MVB12B: variants seen among roughly 807,000 people sequenced by gnomAD.
MVB12B encodes the protein multivesicular body subunit 12B.
MVB12B carries 16 observed loss-of-function variants against 41.6 expected under a neutral mutation model. The ratio of observed to expected loss-of-function variants is 0.38; its 90% confidence interval spans 0.26 to 0.58. The LOEUF is 0.58. MVB12B is among the 20% of genes least tolerant of loss of function. The pLI is 0.62. For synonymous variants in MVB12B, 133 were observed against 139.7 expected, an observed-to-expected ratio of 0.95 and a Z score of 0.34; for missense variants, 274 against 380.2, an observed-to-expected ratio of 0.72 and a Z score of 2.32.
chr9:126,492,056 T>C lies in MVB12B; in HGVS notation c.873+8024T>C, dbSNP rs563426976. Among the ~76,000 whole-genome samples, 10 of 151,300 alleles carry C rather than the reference T, an allele frequency of 6.6e-5. No individual in the cohort carries two copies. The South Asian group carries it at 1.3e-3, about 19-fold the overall frequency. ...CCAAGGTTGTCCATGTTTATAAAAA[T>C]GCAAACATTACAGGAACATGTAAAA... On this transcript the variant is annotated intron_variant, in intron 9 of 9. Transcript: ENST00000361171.
At chr9:126,368,750 T>A (rs1342791820) in intron 2 of MVB12B, among the ~76,000 whole-genome samples, 1 of 152,234 alleles carries the variant, frequency 6.6e-6, no homozygotes, top group African/African-American at 2.4e-5. Context: ...GAAGAATATC[T>A]TTTATCTAAA....
rs186486997 is a variant in MVB12B at position 126,473,138 on chromosome 9, A to C, written c.758-8231A>C. Among the ~76,000 whole-genome samples, 1 of 151,988 alleles carries C rather than the reference A, an allele frequency of 6.6e-6. No homozygotes were observed. Among genetic ancestry groups the C allele is most frequent in the Non-Finnish European group, 1.5e-5 (1 of 67,990 alleles). The stretch of plus-strand genomic sequence containing the variant: ...TATTTCATTTTTCTTCACCCTCACC[A>C]CAGCCCGCAGAGGCAGCTGTAGTAT... On this transcript the variant is annotated intron_variant, in intron 7 of 9. Transcript: ENST00000361171. This position sits in a 1 kb window ranked among gnomAD's most constrained non-coding sequence, Gnocchi z 4.0.
intron 2 of MVB12B, among the ~76,000 whole-genome samples, chr9:126,349,846 T>C (rs1352653596): frequency 2.6e-5 from 4 of 152,232 alleles, no homozygotes; most frequent in Non-Finnish European, 4.4e-5. Flanking sequence ...TGTGGCTGTG[T>C]TTTTATTCCT....
chr9:126,407,685 G>T (rs1831486211), intron 6 of MVB12B, among the ~76,000 whole-genome samples: 1 of 152,072 alleles, frequency 6.6e-6, no homozygotes, highest in African/African-American at 2.4e-5. Context: ...CGAGGGGGGC[G>T]ACAGGGAATG....
In MVB12B at chr9:126,473,954, C is replaced by A. The variant is rs1564344115; in HGVS notation, c.758-7415C>A. On this transcript the variant is annotated intron_variant, in intron 7 of 9. Coordinates refer to ENST00000361171, the MANE Select transcript of MVB12B (RefSeq NM_033446.3). The surrounding 1 kb of genome is among the most constrained non-coding windows in gnomAD (Gnocchi z 4.0). ...ACTGGGCTTGGGGAGAACTTCTTTA[C>A]CTCCCAGGTTTGTTGGGGGTGGGGG... 6.6e-6 allele frequency among the ~76,000 whole-genome samples: 1 copy of A among 152,196 alleles called. No homozygotes were observed. The highest frequency in any genetic ancestry group is 2.4e-5 in the African/African-American group (1 of 41,448).
chr9:126,341,609 T>TA (rs2118826480), intron 2 of MVB12B, among the ~76,000 whole-genome samples: 1 of 152,336 alleles, frequency 6.6e-6, no homozygotes, highest in Admixed American at 6.5e-5. Context: ...GAAGAAGCCC[T>TA]AAGGCAGGGT....
chr9:126,371,312 T>C (rs1355708297), intron 2 of MVB12B, among the ~76,000 whole-genome samples: 1 of 152,252 alleles, frequency 6.6e-6, no homozygotes, highest in Non-Finnish European at 1.5e-5. Flanking sequence ...TCCTTCCTGA[T>C]GACTTGGAAC....
intron 1 of MVB12B, among the ~76,000 whole-genome samples, chr9:126,337,855 G>T (rs972520609): frequency 1.3e-5 from 2 of 152,256 alleles, no homozygotes; most frequent in Non-Finnish European, 2.9e-5. Flanking sequence ...GCCTCCTCGA[G>T]TCCTTAGCCG....
intron 2 of MVB12B, among the ~76,000 whole-genome samples, chr9:126,363,562 C>T (rs975720136): frequency 6.6e-6 from 1 of 152,210 alleles, no homozygotes; most frequent in Non-Finnish European, 1.5e-5. Flanking sequence ...TGGAAACTTT[C>T]CAAAAGATGA....
intron 9 of MVB12B, among the ~76,000 whole-genome samples, chr9:126,488,299 A>AG (rs1564349135): frequency 6.8e-6 from 1 of 146,172 alleles, no homozygotes; most frequent in Non-Finnish European, 1.5e-5. Context: ...TCTGCTCAGA[A>AG]TTTGCTTTGC....
chr9:126,328,132 A>G (rs1004827169), intron 1 of MVB12B, among the ~76,000 whole-genome samples: 8 of 152,188 alleles, frequency 5.3e-5, no homozygotes, highest in Admixed American at 5.2e-4. Context: ...TCAATGTGCT[A>G]GGATGTTTAG....
intron 7 of MVB12B, among the ~76,000 whole-genome samples, chr9:126,432,852 A>G (rs915260953): frequency 1.3e-5 from 2 of 152,180 alleles, no homozygotes; most frequent in African/African-American, 4.8e-5. Flanking sequence ...AAGGTTGGAA[A>G]TGGCACACAG....
chr9:126,415,215 C>T (rs4836540), intron 6 of MVB12B, among the ~76,000 whole-genome samples: 152,193 of 152,202 alleles, frequency 1, 76,092 homozygotes, highest in Non-Finnish European at 1. Flanking sequence ...CTTAGACAAT[C>T]CAACCTGTTT....
At chr9:126,387,109 G>T (rs1209744335) in intron 4 of MVB12B, among the ~76,000 whole-genome samples, 2 of 152,096 alleles carry the variant, frequency 1.3e-5, no homozygotes, top group Non-Finnish European at 2.9e-5. Flanking sequence ...CAAAAAGACT[G>T]CAAATTAAAG....
At chr9:126,490,614 C>T (rs1218318207) in intron 9 of MVB12B, among the ~76,000 whole-genome samples, 1 of 152,202 alleles carries the variant, frequency 6.6e-6, no homozygotes, top group African/African-American at 2.4e-5. Context: ...CATTTTCATT[C>T]GACTTTAAAG....
Position 126,392,001 on chromosome 9 carries a change from T to C in MVB12B, c.410-65T>C. ...GAATAGGGCGTGACAGGGGATGTGG[T>C]TTTCAGAATAGAGATTCTGGTATCT... is the stretch of plus-strand genomic sequence containing the variant. On this transcript the variant is annotated intron_variant, in intron 4 of 9. Transcript: ENST00000361171. This position sits in a 1 kb window ranked among gnomAD's most constrained non-coding sequence, Gnocchi z 4.8. 6.3e-7 allele frequency: 1 copy of C among 1,587,956 alleles called. No individual in the cohort carries two copies. The highest frequency in any genetic ancestry group is 2.2e-5 in the East Asian group (1 of 44,642).
At position 126,459,502 on chromosome 9, in the gene MVB12B, C is replaced by G. The variant is rs932039616; in HGVS notation, c.758-21867C>G. 6.6e-6 allele frequency among the ~76,000 whole-genome samples: 1 copy of G among 152,206 alleles called. No individual in the cohort carries two copies. Among genetic ancestry groups the G allele is most frequent in the African/African-American group, 2.4e-5 (1 of 41,436 alleles). On this transcript the variant is annotated intron_variant, in intron 7 of 9. Coordinates refer to ENST00000361171, the MANE Select transcript of MVB12B (RefSeq NM_033446.3). The surrounding 1 kb of genome is among the most constrained non-coding windows in gnomAD (Gnocchi z 4.3). ...TCACAGAACTGTGCCTGTGAGACCACGAGACCCTCACCCCAGCAGCACGCG... is the reference window on the plus strand; with the variant it reads ...TCACAGAACTGTGCCTGTGAGACCAGGAGACCCTCACCCCAGCAGCACGCG...
At chr9:126,463,041 C>T (rs1423854266) in intron 7 of MVB12B, among the ~76,000 whole-genome samples, 10 of 152,326 alleles carry the variant, frequency 6.6e-5, no homozygotes, top group African/African-American at 1.7e-4. Context: ...GCATCAGCTC[C>T]GTCTCACACT....
chr9:126,481,293 G>C, intron 7 of MVB12B, 76 bp from the exon 8 acceptor site: 1 of 1,222,302 alleles, frequency 8.2e-7, no homozygotes, highest in Admixed American at 1.7e-5. Context: ...TCTCTGTTTC[G>C]ACATCTTCAG....
Sources: allele counts gnomAD v4.1 joint callset (sites outside exome capture counted in the v4.1 genomes callset), GRCh38; gene constraint gnomAD v4.1.1; non-coding constraint Gnocchi (gnomAD v3.1); transcripts MANE v1.5; gene names NCBI Gene and HGNC (gene_info 2026-07-23, HGNC 2026-07-21).